MVD: variants seen among roughly 807,000 people sequenced by gnomAD.
The protein encoded by MVD is mevalonate diphosphate decarboxylase.
A neutral mutation model predicts 42.4 loss-of-function variants in MVD; 52 were observed. The observed-to-expected ratio is 1.23, with a 90% CI of 0.98 to 1.55. The LOEUF is 1.55. Among genes scored for constraint, MVD ranks in the 40% most tolerant of loss-of-function variants. The pLI is 0.00. For missense variants in MVD, 663 were observed against 572.1 expected, an observed-to-expected ratio of 1.16 and a Z score of -1.62; for synonymous variants, 287 against 243.2, an observed-to-expected ratio of 1.18 and a Z score of -1.68.
At chr16:88,662,258 G>C (rs546407578) in intron 1 of MVD, 2 of 152,792 alleles carry the variant, frequency 1.3e-5, no homozygotes, top group African/African-American at 4.8e-5. Context: ...TGGATTCCAC[G>C]GACTGGCTCA....
intron 2 of MVD, 85 bp downstream of exon 2, chr16:88,658,565 G>C (rs1908087337): frequency 2.2e-6 from 3 of 1,365,876 alleles, no homozygotes; most frequent in Non-Finnish European, 3.1e-6. Context: ...TTGCAGATGT[G>C]AGCCACCATA....
chr16:88,655,256 G>A lies in MVD; in HGVS notation c.840C>T (p.Ile280=), dbSNP rs1907833029. 1 of 1,588,558 alleles carries A rather than the reference G, an allele frequency of 6.3e-7. No homozygotes were observed. Among genetic ancestry groups the A allele is most frequent in the Admixed American group, 1.8e-5 (1 of 55,978 alleles). Residue 280 remains isoleucine (I), a synonymous_variant, in exon 7 of 10, where the codon ATC becomes ATT. Coordinates refer to ENST00000301012, the MANE Select transcript of MVD (RefSeq NM_002461.3). Reference sequence around the variant, plus strand: ...GCACCAGGTGGATGATGCGCCAGGAGATGGCATTGAGGTAAGAGATGGGCG... The same window carrying A: ...GCACCAGGTGGATGATGCGCCAGGAAATGGCATTGAGGTAAGAGATGGGCG... ...TFPPISYLNA[I]SWRIIHLVHR...
intron 3 of MVD, 73 bp from the exon 4 acceptor site, chr16:88,657,655 G>A (rs946120739): frequency 1.5e-5 from 24 of 1,573,364 alleles, no homozygotes; most frequent in African/African-American, 1.1e-4. Flanking sequence ...CCACCTGCCC[G>A]GGGTCACAGC....
chr16:88,655,280 C>G lies in MVD; in HGVS notation c.816G>C (p.Pro272=). The G allele has an allele frequency of 6.3e-7, 1 of 1,591,650 alleles. No individual in the cohort carries two copies. Among genetic ancestry groups the G allele is most frequent in the Non-Finnish European group, 8.6e-7 (1 of 1,169,182 alleles). Residue 272 remains proline, a synonymous_variant, in exon 7 of 10, where the codon CCG becomes CCC. Coordinates refer to ENST00000301012, the MANE Select transcript of MVD (RefSeq NM_002461.3). ...AGATGGCATTGAGGTAAGAGATGGG[C>G]GGGAAGGTGTCGAGGCAGGTGGCGT... The part of the protein sequence containing the change: ...QFHATCLDTF[P]PISYLNAISW...
At chr16:88,652,693 G>A in intron 9 of MVD, 88 bp from the exon 10 acceptor site, 1 of 1,287,668 alleles carries the variant, frequency 7.8e-7, no homozygotes, top group East Asian at 2.5e-5. Flanking sequence ...CAGGAGGGTA[G>A]CGGTGTGCCC....
intron 6 of MVD, 97 bp from the exon 7 acceptor site, chr16:88,655,514 C>T (rs1907857379): frequency 1.3e-6 from 2 of 1,506,478 alleles, no homozygotes; most frequent in Non-Finnish European, 8.9e-7. Flanking sequence ...GCTCGAGCCC[C>T]ATCTCTGCAT....
At chr16:88,657,309 G>T (rs1421952621) in intron 4 of MVD, 127 bp downstream of exon 4, 2 of 1,305,924 alleles carry the variant, frequency 1.5e-6, no homozygotes, top group African/African-American at 2.9e-5. Flanking sequence ...AGAGAGGCCA[G>T]GGAGGCCTGG....
intron 3 of MVD, 50 bp downstream of exon 3, chr16:88,657,865 G>A (rs368790531): frequency 2.7e-4 from 419 of 1,564,514 alleles, no homozygotes; most frequent in Non-Finnish European, 3.4e-4. Context: ...CTGGATGCTC[G>A]GACCCTGCTG....
At chr16:88,659,418 C>T (rs1047733042) in intron 1 of MVD, 47 of 152,750 alleles carry the variant, frequency 3.1e-4, no homozygotes, top group African/African-American at 1.1e-3. Flanking sequence ...GCTGCCCTGA[C>T]AGGCCGGGCG....
At chr16:88,656,559 T>C (rs919834256) in intron 4 of MVD, 11 of 567,554 alleles carry the variant, frequency 1.9e-5, no homozygotes, top group Non-Finnish European at 3.2e-5. Flanking sequence ...CAACAAAAGG[T>C]ACCTGCGGCA....
Position 88,657,931 on chromosome 16 carries a change from C to T in MVD, c.240G>A (p.Gln80=). Residue 80 remains glutamine (Q), a synonymous_variant, in exon 3 of 10, where the codon CAG becomes CAA. Transcript: ENST00000301012. ...CCAGCTCACTCTCCCGCAGGCAGGC[C>T]TGCAGCCGCGGCTGCCCCACATCCT... ...REEDVGQPRL[Q]ACLREIRCLA... 1 of 1,613,678 alleles carries T rather than the reference C, an allele frequency of 6.2e-7. No individual in the cohort carries two copies. The highest frequency in any genetic ancestry group is 8.5e-7 in the Non-Finnish European group (1 of 1,180,014).
intron 3 of MVD, 162 bp from the exon 4 acceptor site, chr16:88,657,744 G>A: frequency 1.6e-6 from 2 of 1,276,364 alleles, no homozygotes; most frequent in Admixed American, 2.4e-5. Flanking sequence ...CCCAAGCCCA[G>A]CTGGTCATTG....
chr16:88,654,360 C>T (rs1166640994), intron 8 of MVD, among the ~76,000 whole-genome samples: 1 of 152,230 alleles, frequency 6.6e-6, no homozygotes, highest in Non-Finnish European at 1.5e-5. Flanking sequence ...CTTACGCACA[C>T]ATCTGGGAGT....
rs1410410475 is a variant in MVD, at chr16:88,662,006, G to A, written c.70+1005C>T. ...TAGAAAGAGAGAGAGAGACAGAGAGGCATATATATATATCTACCATCTGAC... is the reference window on the plus strand; with the variant it reads ...TAGAAAGAGAGAGAGAGACAGAGAGACATATATATATATCTACCATCTGAC... On this transcript the variant is annotated intron_variant, in intron 1 of 9. Coordinates refer to ENST00000301012, the MANE Select transcript of MVD (RefSeq NM_002461.3). The A allele has an allele frequency of 2.0e-5, 3 of 149,230 alleles. No homozygotes were observed. The East Asian group carries it at 5.8e-4, about 29-fold the overall frequency. 9.2% of individuals were successfully genotyped at this position (149,230 alleles called of 1,614,324 possible).
intron 2 of MVD, 102 bp downstream of exon 2, chr16:88,658,548 G>A: frequency 4.4e-6 from 5 of 1,144,610 alleles, no homozygotes; most frequent in Non-Finnish European, 6.4e-6. Context: ...CTCCCCAAGT[G>A]CTGGGATTGC....
At chr16:88,658,782 C>T in intron 1 of MVD, 62 bp from the exon 2 acceptor site, 2 of 1,206,200 alleles carry the variant, frequency 1.7e-6, no homozygotes, top group Non-Finnish European at 2.2e-6. Context: ...CCAGTGTTCC[C>T]CACAGGTGCC....
Position 88,658,658 on chromosome 16 carries a change from G to A in MVD, c.133C>T (p.Gln45Ter). The A allele has an allele frequency of 6.2e-7, 1 of 1,613,560 alleles. No individual in the cohort carries two copies. Among genetic ancestry groups the A allele is most frequent in the Non-Finnish European group, 8.5e-7 (1 of 1,179,764 alleles). Residue 45 changes from glutamine to a stop codon, truncating the protein, a stop_gained, in exon 2 of 10, where the codon CAG (glutamine) becomes TAG (stop). Coordinates refer to ENST00000301012, the MANE Select transcript of MVD (RefSeq NM_002461.3). LOFTEE classifies it high-confidence loss of function. ...CGTCAGTCCACACATACCTGGTCCT[G>A]GTGCAGAGTGACGCTCAGGGAGGAG... ...INSSLSVTLHQDQLKTTTTAV... is the reference protein window; with the variant it reads ...INSSLSVTLH
intron 1 of MVD, chr16:88,658,929 G>T: frequency 1.8e-6 from 1 of 569,104 alleles, no homozygotes. Context: ...GAGCAGAGCT[G>T]GAGGCCAGCC....
At chr16:88,655,877 C>G in intron 5 of MVD, 147 bp from the exon 6 acceptor site, 1 of 1,152,990 alleles carries the variant, frequency 8.7e-7, no homozygotes. Flanking sequence ...GGCCTCCCGG[C>G]CACAGCAGGG....
Sources: allele counts gnomAD v4.1 joint callset (sites outside exome capture counted in the v4.1 genomes callset), GRCh38; gene constraint gnomAD v4.1.1; transcripts MANE v1.5; gene names NCBI Gene and HGNC (gene_info 2026-07-23, HGNC 2026-07-21).